Variants in TMC1 observed in about 807,000 individuals in gnomAD.
TMC1 encodes the protein transmembrane channel-like protein 1.
A neutral mutation model predicts 105.8 loss-of-function variants in TMC1; 84 were observed. That is an observed-to-expected ratio of 0.79 (90% CI 0.67 to 0.95). The LOEUF (loss-of-function observed/expected upper bound fraction) is 0.95. TMC1 is among the 40% of genes least tolerant of loss of function. The pLI is 0.00. For missense variants in TMC1, 817 were observed against 914.1 expected (o/e 0.89, Z 1.37); for synonymous variants, 315 against 311.5 (o/e 1.01, Z -0.12).
intron 3 of TMC1, among the ~76,000 whole-genome samples, chr9:72,623,162 CTT>C (rs57488888): frequency 1.2e-4 from 12 of 97,144 alleles, no homozygotes; most frequent in Middle Eastern, 6.1e-3. Context: ...TTTTTTTTTT[CTT>C]TTTTTTTTTT....
rs148575210 is a variant in TMC1 at position 72,697,979 on chromosome 9, T to G, written c.237-2539T>G. Among the ~76,000 whole-genome samples the G allele has an allele frequency of 4.4e-3, 677 of 152,252 alleles. 4 individuals are homozygous for G. The highest frequency in any genetic ancestry group is 0.016 in the African/African-American group (649 of 41,566). The stretch of plus-strand genomic sequence containing the variant: ...TTGCATGGAAACAATTGTGATCATT[T>G]TAATTAAAACACATCTTTACCTCCT... On this transcript the variant is annotated intron_variant, in intron 7 of 23. Transcript: ENST00000297784.
At chr9:72,569,361 G>T (rs1824228458) in intron 1 of TMC1, among the ~76,000 whole-genome samples, 1 of 151,956 alleles carries the variant, frequency 6.6e-6, no homozygotes, top group African/African-American at 2.4e-5. Context: ...GTAGAACCCG[G>T]CTACAGAGAG....
chr9:72,676,072 A>G (rs913355796), intron 5 of TMC1, among the ~76,000 whole-genome samples: 2 of 152,318 alleles, frequency 1.3e-5, no homozygotes, highest in Admixed American at 6.5e-5. Flanking sequence ...TGGATGGGGA[A>G]GCATACCATT....
At chr9:72,779,493 AC>A (rs963879413) in intron 13 of TMC1, among the ~76,000 whole-genome samples, 1 of 152,206 alleles carries the variant, frequency 6.6e-6, no homozygotes, top group Non-Finnish European at 1.5e-5. Flanking sequence ...GGAAGTTAAA[AC>A]CCAATACGAT....
At chr9:72,786,399 G>A (rs1009557702) in intron 13 of TMC1, among the ~76,000 whole-genome samples, 1 of 152,130 alleles carries the variant, frequency 6.6e-6, no homozygotes, top group Admixed American at 6.5e-5. Context: ...AGCCGAGATC[G>A]CGCCACTGCA....
intron 9 of TMC1, among the ~76,000 whole-genome samples, 197 bp from the exon 10 acceptor site, chr9:72,742,247 G>A (rs925329818): frequency 6.6e-6 from 1 of 151,986 alleles, no homozygotes; most frequent in Non-Finnish European, 1.5e-5. Context: ...TTTTTTTGTT[G>A]AATTAAATTG....
At chr9:72,765,697 T>A (rs1234565308) in intron 12 of TMC1, among the ~76,000 whole-genome samples, 1 of 151,576 alleles carries the variant, frequency 6.6e-6, no homozygotes, top group Non-Finnish European at 1.5e-5. Context: ...TTCATTATGC[T>A]CAAGTCAGAC....
chr9:72,650,380 C>A lies in TMC1; in HGVS notation c.16+1716C>A, dbSNP rs1457243350. Among the ~76,000 whole-genome samples the A allele has an allele frequency of 2.0e-5, 3 of 152,076 alleles. No individual in the cohort carries two copies. The East Asian group carries it at 5.8e-4, about 29-fold the overall frequency. ...TCCATTATTGAGTGTCTATTATGTG[C>A]CAGGTTCTGTACAATGTTCAGTGAT... On this transcript the variant is annotated intron_variant, in intron 5 of 23. Coordinates refer to ENST00000297784, the MANE Select transcript of TMC1 (RefSeq NM_138691.3).
chr9:72,637,064 A>G (rs1460855626), intron 4 of TMC1, among the ~76,000 whole-genome samples: 1 of 151,572 alleles, frequency 6.6e-6, no homozygotes, highest in African/African-American at 2.4e-5. Context: ...TTTTTTTTCA[A>G]TCAACTAATG....
chr9:72,626,636 G>T (rs1825353031), intron 3 of TMC1, among the ~76,000 whole-genome samples: 1 of 152,192 alleles, frequency 6.6e-6, no homozygotes, highest in South Asian at 2.1e-4. Flanking sequence ...AGAAAGAAGA[G>T]TGTTGTCCAC....
intron 13 of TMC1, among the ~76,000 whole-genome samples, chr9:72,778,651 A>G (rs943332994): frequency 9.2e-5 from 14 of 152,154 alleles, no homozygotes; most frequent in African/African-American, 2.9e-4. Context: ...ATGCCCCTGT[A>G]GGCTTTGGCC....
chr9:72,789,313 AT>A lies in TMC1; in HGVS notation c.1221del (p.Asn407LysfsTer3), dbSNP rs769571760. On this transcript the variant is annotated frameshift_variant, in exon 15 of 24. Coordinates refer to ENST00000297784, the MANE Select transcript of TMC1 (RefSeq NM_138691.3). LOFTEE classifies it high-confidence loss of function. ...GACACCCTTGGGTGGTGGGAAAAAA[AT>A]GAAGTTCGTCTCTGCATGCTTTTTA... Reference protein sequence around the residue: ...DPDTLGWWEKNEMNMVMSLLG... With the variant: ...DPDTLGWWEKXEMNMVMSLLG... 6.2e-7 allele frequency: 1 copy of A among 1,613,920 alleles called. No homozygotes were observed. The highest frequency in any genetic ancestry group is 1.1e-5 in the South Asian group (1 of 91,080).
intron 1 of TMC1, among the ~76,000 whole-genome samples, chr9:72,565,009 A>G (rs1379459200): frequency 6.6e-6 from 1 of 152,216 alleles, no homozygotes; most frequent in East Asian, 1.9e-4. Flanking sequence ...TATATTATGG[A>G]AAAGAAACTC....
chr9:72,764,722 A>T (rs1478169883), intron 12 of TMC1, among the ~76,000 whole-genome samples: 1 of 152,200 alleles, frequency 6.6e-6, no homozygotes, highest in Non-Finnish European at 1.5e-5. Context: ...CTAACTGAGG[A>T]TTGCTAATGA....
chr9:72,711,965 C>T (rs1260380433), intron 8 of TMC1, among the ~76,000 whole-genome samples: 2 of 152,128 alleles, frequency 1.3e-5, no homozygotes, highest in Non-Finnish European at 2.9e-5. Context: ...AGGAAGGAAT[C>T]CAGTTTCAGC....
chr9:72,526,477 C>T (rs1309313618), intron 1 of TMC1, among the ~76,000 whole-genome samples: 4 of 152,136 alleles, frequency 2.6e-5, no homozygotes, highest in Admixed American at 2.0e-4. Flanking sequence ...CTTCATCTGC[C>T]ATGGGAAAAA....
intron 8 of TMC1, among the ~76,000 whole-genome samples, chr9:72,738,728 T>C (rs1827340670): frequency 6.6e-6 from 1 of 152,156 alleles, no homozygotes; most frequent in Non-Finnish European, 1.5e-5. Flanking sequence ...AGACCCTTCA[T>C]TTTTAAAAGT....
chr9:72,828,875 A>C (rs1224091352), intron 21 of TMC1, among the ~76,000 whole-genome samples: 2 of 152,240 alleles, frequency 1.3e-5, no homozygotes, highest in Non-Finnish European at 2.9e-5. Context: ...GAGGCAAATT[A>C]GGCCAAGAGG....
chr9:72,750,525 C>G (rs1297725090), intron 10 of TMC1, among the ~76,000 whole-genome samples: 1 of 147,522 alleles, frequency 6.8e-6, no homozygotes. Context: ...TTCTTCCACT[C>G]TCTGCTTTAA....
Sources: gnomAD v4.1 joint callset for allele counts (sites outside exome capture counted in the v4.1 genomes callset) on GRCh38, gnomAD v4.1.1 for gene constraint, MANE v1.5 for transcripts, NCBI Gene and HGNC (gene_info 2026-07-23, HGNC 2026-07-21) for gene names.